Variants in KIAA1217 observed in about 807,000 individuals in gnomAD.
The protein encoded by KIAA1217 is KIAA1217, also known as sickle tail protein homolog.
KIAA1217 carries 88 observed loss-of-function variants against 163.9 expected under a neutral mutation model. The observed-to-expected ratio is 0.54, with a 90% CI of 0.45 to 0.64. KIAA1217 has a LOEUF of 0.64. Ranked by LOEUF, KIAA1217 falls within the 30% of genes least tolerant of loss-of-function variation. The pLI is 0.00. For synonymous variants in KIAA1217, 903 were observed against 923.1 expected, an observed-to-expected ratio of 0.98 and a Z score of 0.39; for missense variants, 2,372 against 2,475.0, an observed-to-expected ratio of 0.96 and a Z score of 0.88.
At chr10:24,075,119 TACACACACACACACACACAC>T (rs71397929) in intron 2 of KIAA1217, among the ~76,000 whole-genome samples, 4,840 of 131,546 alleles carry the variant, frequency 0.037, 257 homozygotes, top group African/African-American at 0.12. Flanking sequence ...TCCCCCTAAA[TACACACACACACACACACAC>T]ACACACACAC....
At chr10:24,409,588 GT>G (rs887278746) in intron 3 of KIAA1217, among the ~76,000 whole-genome samples, 2 of 152,172 alleles carry the variant, frequency 1.3e-5, no homozygotes, top group Non-Finnish European at 1.5e-5. Context: ...GATGTGTGCA[GT>G]TTTTTAAAAT....
chr10:24,320,003 A>C (rs1403747123), intron 2 of KIAA1217, among the ~76,000 whole-genome samples: 1 of 152,254 alleles, frequency 6.6e-6, no homozygotes, highest in East Asian at 1.9e-4. Flanking sequence ...TAATTAGCAT[A>C]TAAAACTCCC....
chr10:24,224,055 A>C (rs1180350673), intron 2 of KIAA1217, among the ~76,000 whole-genome samples: 1 of 152,154 alleles, frequency 6.6e-6, no homozygotes, highest in African/African-American at 2.4e-5. Context: ...CTTTAGTCTA[A>C]AATTATTGAA....
chr10:24,149,612 T>C (rs2064506968), intron 2 of KIAA1217, among the ~76,000 whole-genome samples: 1 of 151,908 alleles, frequency 6.6e-6, no homozygotes, highest in Non-Finnish European at 1.5e-5. Flanking sequence ...TAAATAAAAC[T>C]AAAAATGGGA....
At chr10:23,993,297 G>T (rs1846304892) in intron 1 of KIAA1217, among the ~76,000 whole-genome samples, 1 of 151,812 alleles carries the variant, frequency 6.6e-6, no homozygotes, top group Non-Finnish European at 1.5e-5. Flanking sequence ...CTCCCAAAGT[G>T]CTAGGACTAC....
In KIAA1217 at chr10:24,060,527, G is replaced by A. The variant is rs1348118370; in HGVS notation, c.-171+53153G>A. 3.3e-5 allele frequency among the ~76,000 whole-genome samples: 5 copies of A among 152,168 alleles called. No individual in the cohort carries two copies. The East Asian group carries it at 9.6e-4, about 29-fold the overall frequency. Reference sequence around the variant, plus strand: ...TACTAAGACTTGGCCAAACACAGTGGATCATACCTGCAGTCCTACTGCTTT... The same window carrying A: ...TACTAAGACTTGGCCAAACACAGTGAATCATACCTGCAGTCCTACTGCTTT... On this transcript the variant is annotated intron_variant, in intron 2 of 18. Transcript: ENST00000376462.
intron 2 of KIAA1217, among the ~76,000 whole-genome samples, chr10:24,289,521 T>TGGAGGA (rs145225149): frequency 2.0e-5 from 3 of 151,768 alleles, no homozygotes; most frequent in Non-Finnish European, 2.9e-5. Flanking sequence ...ATTGTCCTCA[T>TGGAGGA]GGAGGAGGAG....
intron 4 of KIAA1217, among the ~76,000 whole-genome samples, chr10:24,435,565 A>G (rs1461802647): frequency 1.3e-5 from 2 of 152,208 alleles, no homozygotes; most frequent in African/African-American, 4.8e-5. Flanking sequence ...ATTATGAGTA[A>G]TTGGGCCTCA....
At chr10:24,046,222 GTGATGA>G (rs1343122854) in intron 2 of KIAA1217, among the ~76,000 whole-genome samples, 1 of 151,868 alleles carries the variant, frequency 6.6e-6, no homozygotes, top group Non-Finnish European at 1.5e-5. Flanking sequence ...TTATATATTT[GTGATGA>G]TGATGATGAT....
At chr10:24,208,534 G>A (rs201217023), upstream of KIAA1217, among the ~76,000 whole-genome samples, 2 of 151,960 alleles carry the variant, frequency 1.3e-5, no homozygotes, top group East Asian at 3.9e-4. Context: ...GATGTTAATC[G>A]GGCCCTAAAA....
intron 1 of KIAA1217, among the ~76,000 whole-genome samples, chr10:23,971,415 T>C (rs1050818181): frequency 6.6e-6 from 1 of 152,182 alleles, no homozygotes; most frequent in African/African-American, 2.4e-5. Flanking sequence ...AATTATTACT[T>C]TAGAGAGATG....
At chr10:24,029,058 C>A (rs893900024) in intron 2 of KIAA1217, among the ~76,000 whole-genome samples, 1 of 152,040 alleles carries the variant, frequency 6.6e-6, no homozygotes, top group Non-Finnish European at 1.5e-5. Flanking sequence ...AACATTAGAA[C>A]ATAATGAAAA....
At chr10:24,289,393 T>C (rs2078872636) in intron 2 of KIAA1217, among the ~76,000 whole-genome samples, 1 of 152,060 alleles carries the variant, frequency 6.6e-6, no homozygotes, top group South Asian at 2.1e-4. Context: ...CCTGAAGGCA[T>C]GGAAACAGTT....
chr10:24,539,873 A>G (rs1304071288), intron 17 of KIAA1217, among the ~76,000 whole-genome samples: 1 of 152,004 alleles, frequency 6.6e-6, no homozygotes, highest in Non-Finnish European at 1.5e-5. Context: ...CTTGTATGCA[A>G]TTTTCTTGTA....
chr10:24,343,440 A>C lies in KIAA1217; in HGVS notation c.355-37429A>C, dbSNP rs141283499. ...GTGCGAAGCTCCAGTTTGTGTTTTT[A>C]CCCATTTTTAATTGGATGATGAGGT... On this transcript the variant is annotated intron_variant, in intron 2 of 20. Coordinates refer to ENST00000376454, the MANE Select transcript of KIAA1217 (RefSeq NM_019590.5). Among the ~76,000 whole-genome samples the C allele has an allele frequency of 2.1e-3, 316 of 152,194 alleles. 1 individual carries two copies. The highest frequency in any genetic ancestry group is 3.4e-3 in the Middle Eastern group (1 of 294).
At chr10:23,808,401 T>A (rs553907265) in intron 1 of KIAA1217, among the ~76,000 whole-genome samples, 2 of 152,222 alleles carry the variant, frequency 1.3e-5, no homozygotes, top group African/African-American at 4.8e-5. Context: ...TTATTTAGGA[T>A]GTTCAAGAAC....
At chr10:23,778,471 C>T (rs753363779) in intron 1 of KIAA1217, among the ~76,000 whole-genome samples, 1 of 152,148 alleles carries the variant, frequency 6.6e-6, no homozygotes, top group Non-Finnish European at 1.5e-5. Flanking sequence ...TCAAGTTAAA[C>T]ATTACAGCTT....
chr10:24,162,961 G>T lies in KIAA1217; in HGVS notation c.-170-56665G>T, dbSNP rs148932516. Among the ~76,000 whole-genome samples the T allele has an allele frequency of 2.5e-3, 374 of 152,222 alleles. 1 individual carries two copies. The highest frequency in any genetic ancestry group is 8.7e-3 in the African/African-American group (360 of 41,544). On this transcript the variant is annotated intron_variant, in intron 2 of 18. Transcript: ENST00000376462. Reference sequence around the variant, plus strand: ...CTGAGGACATGATCCAAGAGAAAAAGACCAATATGGCAGCCACAGTCTTTT... The same window carrying T: ...CTGAGGACATGATCCAAGAGAAAAATACCAATATGGCAGCCACAGTCTTTT...
intron 2 of KIAA1217, among the ~76,000 whole-genome samples, chr10:24,059,282 T>C (rs2060633129): frequency 1.3e-5 from 2 of 152,126 alleles, no homozygotes; most frequent in Non-Finnish European, 1.5e-5. Context: ...AGTTCGCTAG[T>C]ATTTTGTCGG....
Sources: gnomAD v4.1 joint callset for allele counts (sites outside exome capture counted in the v4.1 genomes callset) on GRCh38, gnomAD v4.1.1 for gene constraint, MANE v1.5 for transcripts, NCBI Gene and HGNC (gene_info 2026-07-23, HGNC 2026-07-21) for gene names.